SOX5: variants seen among roughly 807,000 people sequenced by gnomAD.
The protein encoded by SOX5 is transcription factor SOX-5.
Under a neutral mutation model 92.0 loss-of-function variants are expected in SOX5, and 9 were observed. That is an observed-to-expected ratio of 0.10 (90% confidence interval 0.06 to 0.17). The LOEUF (loss-of-function observed/expected upper bound fraction) is 0.17. Ranked by LOEUF, SOX5 falls within the 10% of genes least tolerant of loss-of-function variation. The pLI is 1.00. For missense variants in SOX5, 642 were observed against 944.5 expected, an observed-to-expected ratio of 0.68 and a Z score of 4.20; for synonymous variants, 344 against 336.3, an observed-to-expected ratio of 1.02 and a Z score of -0.25.
intron 4 of SOX5, among the ~76,000 whole-genome samples, chr12:24,126,412 C>T (rs1436737117): frequency 6.6e-6 from 1 of 152,204 alleles, no homozygotes; most frequent in Non-Finnish European, 1.5e-5. Flanking sequence ...CACCACGAAG[C>T]ACCCTGCAAA....
At chr12:24,167,809 T>C (rs1488655207) in intron 4 of SOX5, among the ~76,000 whole-genome samples, 2 of 152,238 alleles carry the variant, frequency 1.3e-5, no homozygotes, top group Non-Finnish European at 2.9e-5. Context: ...TTTACTTATA[T>C]ACATCCCCTC....
At chr12:24,534,462 G>GT (rs1951462914) in intron 1 of SOX5, among the ~76,000 whole-genome samples, 1 of 151,958 alleles carries the variant, frequency 6.6e-6, no homozygotes, top group South Asian at 2.1e-4. Context: ...TAAAATTCTG[G>GT]TTTTTACACA....
chr12:24,318,466 A>G (rs1211447341), intron 2 of SOX5, among the ~76,000 whole-genome samples: 3 of 152,158 alleles, frequency 2.0e-5, no homozygotes, highest in Admixed American at 6.5e-5. Flanking sequence ...TGTTCTTGAA[A>G]TCATGGCGAG....
In SOX5 at chr12:23,919,826, T is replaced by C. The variant is rs61910002; in HGVS notation, c.39-23802A>G. ...TGAAGTGCATTACAGACAGAAACTA[T>C]CTTTTACAAAAATAACCCTAAAAAT... is the stretch of plus-strand genomic sequence containing the variant. On this transcript the variant is annotated intron_variant, in intron 1 of 14. Coordinates refer to ENST00000451604, the MANE Select transcript of SOX5 (RefSeq NM_006940.6). Among the ~76,000 whole-genome samples the C allele has an allele frequency of 9.5e-3, 1,446 of 152,334 alleles. 10 individuals are homozygous for C. Among genetic ancestry groups the C allele is most frequent in the Middle Eastern group, 0.017 (5 of 294 alleles).
At chr12:24,367,384 A>G (rs1385367842) in intron 2 of SOX5, among the ~76,000 whole-genome samples, 1 of 152,228 alleles carries the variant, frequency 6.6e-6, no homozygotes, top group African/African-American at 2.4e-5. Flanking sequence ...ATGACACCAC[A>G]TAATTATGAC....
intron 1 of SOX5, among the ~76,000 whole-genome samples, chr12:24,478,593 C>A (rs1945637724): frequency 6.6e-6 from 1 of 152,188 alleles, no homozygotes; most frequent in South Asian, 2.1e-4. Flanking sequence ...CTGCTCATGT[C>A]CTTCCTATGC....
intron 2 of SOX5, among the ~76,000 whole-genome samples, chr12:23,891,312 C>T (rs896990409): frequency 4.7e-4 from 71 of 152,138 alleles, no homozygotes; most frequent in African/African-American, 1.7e-3. Flanking sequence ...AGTTTCAAAC[C>T]GTAACATTTG....
intron 2 of SOX5, among the ~76,000 whole-genome samples, chr12:23,858,670 T>C (rs2096721321): frequency 6.6e-6 from 1 of 152,124 alleles, no homozygotes; most frequent in Non-Finnish European, 1.5e-5. Flanking sequence ...AGAACTACCA[T>C]TTGACTCAGC....
intron 3 of SOX5, among the ~76,000 whole-genome samples, chr12:23,779,598 A>C (rs902080731): frequency 3.3e-5 from 5 of 151,532 alleles, no homozygotes; most frequent in African/African-American, 1.2e-4. Flanking sequence ...TTCCTAGTCC[A>C]TATGACAAAA....
In SOX5 at chr12:24,002,909, T is replaced by C. The variant is rs116144023; in HGVS notation, c.-1-106885A>G. Among the ~76,000 whole-genome samples, 404 of 138,094 alleles carry C rather than the reference T, an allele frequency of 2.9e-3. 1 individual carries two copies. The highest frequency in any genetic ancestry group is 9.7e-3 in the African/African-American group (381 of 39,242). 90.6% of individuals were successfully genotyped at this position (138,094 alleles called of 152,430 possible). A position where few individuals can be genotyped will look rare whatever the true frequency, so the allele number is the denominator to read the frequency against. On this transcript the variant is annotated intron_variant, in intron 4 of 4. Transcript: ENST00000446891. ...ACATTACAAATATTCATCATGTATA[T>C]AGACACAAAAATTTGAGCAATATAT...
chr12:23,754,774 T>C (rs2094309055), intron 4 of SOX5, among the ~76,000 whole-genome samples: 2 of 151,740 alleles, frequency 1.3e-5, no homozygotes, highest in Admixed American at 6.6e-5. Flanking sequence ...GACACACATA[T>C]GCAAAAAAGT....
At chr12:24,018,405 T>A (rs934677797) in intron 4 of SOX5, among the ~76,000 whole-genome samples, 1 of 152,204 alleles carries the variant, frequency 6.6e-6, no homozygotes, top group African/African-American at 2.4e-5. Context: ...GTCCTAATTG[T>A]GATGAAATTA....
chr12:24,406,725 G>A (rs1188916570), intron 1 of SOX5, among the ~76,000 whole-genome samples: 1 of 152,032 alleles, frequency 6.6e-6, no homozygotes, highest in Non-Finnish European at 1.5e-5. Flanking sequence ...AATGTCCAGA[G>A]GACTTTTTTT....
intron 4 of SOX5, among the ~76,000 whole-genome samples, chr12:24,043,907 T>C (rs1004543530): frequency 6.6e-6 from 1 of 152,224 alleles, no homozygotes; most frequent in African/African-American, 2.4e-5. Context: ...CCATCACGTA[T>C]CATAATTTTC....
chr12:24,329,426 T>C (rs997869415), intron 2 of SOX5, among the ~76,000 whole-genome samples: 2 of 152,100 alleles, frequency 1.3e-5, no homozygotes, highest in African/African-American at 4.8e-5. Flanking sequence ...AAACTCACAA[T>C]CATGAGAACA....
At chr12:23,613,563 A>C (rs552256170) in intron 8 of SOX5, among the ~76,000 whole-genome samples, 107 of 152,342 alleles carry the variant, frequency 7.0e-4, no homozygotes, top group Non-Finnish European at 1.1e-3. Flanking sequence ...CTGTACACCC[A>C]TGTTCACAGC....
intron 4 of SOX5, among the ~76,000 whole-genome samples, chr12:23,991,356 T>C (rs1950542503): frequency 6.6e-6 from 1 of 151,470 alleles, no homozygotes; most frequent in South Asian, 2.1e-4. Context: ...AAAATATATA[T>C]ATATATACCA....
chr12:24,112,023 C>G (rs1239192159), intron 4 of SOX5, among the ~76,000 whole-genome samples: 1 of 152,150 alleles, frequency 6.6e-6, no homozygotes, highest in Non-Finnish European at 1.5e-5. Flanking sequence ...AGCTTATCCA[C>G]TGTCATGACA....
At chr12:24,114,267 C>A (rs1165548549) in intron 4 of SOX5, among the ~76,000 whole-genome samples, 1 of 151,830 alleles carries the variant, frequency 6.6e-6, no homozygotes, top group Non-Finnish European at 1.5e-5. Flanking sequence ...TTAAAAAAAT[C>A]TTAAATTAAA....
Sources: allele counts gnomAD v4.1 joint callset (sites outside exome capture counted in the v4.1 genomes callset), GRCh38; gene constraint gnomAD v4.1.1; transcripts MANE v1.5; gene names NCBI Gene and HGNC (gene_info 2026-07-23, HGNC 2026-07-21).